GSE1: variants seen among roughly 807,000 people sequenced by gnomAD.
The protein encoded by GSE1 is Gse1 coiled-coil protein.
Under a neutral mutation model 112.6 loss-of-function variants are expected in GSE1, and 32 were observed. That is an observed-to-expected ratio of 0.28 (90% CI 0.21 to 0.38). GSE1 has a LOEUF of 0.38. Ranked by LOEUF, GSE1 falls within the 10% of genes least tolerant of loss-of-function variation. The pLI is 1.00. For missense variants in GSE1, 2,348 were observed against 1,699.2 expected, an observed-to-expected ratio of 1.38 and a Z score of -6.71; for synonymous variants, 1,115 against 735.6, an observed-to-expected ratio of 1.52 and a Z score of -8.35.
chr16:85,549,894 A>C (rs997832409), intron 2 of GSE1, among the ~76,000 whole-genome samples: 7 of 152,138 alleles, frequency 4.6e-5, no homozygotes, highest in Admixed American at 2.0e-4. Flanking sequence ...TCTCAAGGGG[A>C]GGGGATGCTG....
intron 1 of GSE1, among the ~76,000 whole-genome samples, chr16:85,574,539 A>G (rs1419191374): frequency 6.6e-6 from 1 of 152,218 alleles, no homozygotes; most frequent in Non-Finnish European, 1.5e-5. Context: ...TCAGAAAGCT[A>G]CAGGAAGTGA....
upstream of GSE1, among the ~76,000 whole-genome samples, chr16:85,554,682 A>G (rs2151253278): frequency 6.6e-6 from 1 of 152,254 alleles, no homozygotes; most frequent in Non-Finnish European, 1.5e-5. Context: ...GGGTTCCACA[A>G]AAGGCGGCCC....
At chr16:85,438,857 A>G (rs1422287717) in intron 2 of GSE1, among the ~76,000 whole-genome samples, 1 of 152,162 alleles carries the variant, frequency 6.6e-6, no homozygotes, top group African/African-American at 2.4e-5. Context: ...CTGTCTGTGC[A>G]GCTCCCGTAC....
At chr16:85,295,303 A>G (rs1207344322) in intron 1 of GSE1, among the ~76,000 whole-genome samples, 1 of 152,068 alleles carries the variant, frequency 6.6e-6, no homozygotes, top group Non-Finnish European at 1.5e-5. Context: ...GGCTTCTCTC[A>G]CTCGGGACCA....
intron 2 of GSE1, among the ~76,000 whole-genome samples, chr16:85,519,387 T>G (rs1209561375): frequency 3.3e-4 from 21 of 64,392 alleles, no homozygotes; most frequent in African/African-American, 1.3e-3. Context: ...CATCATCACC[T>G]TCACCACCAT....
chr16:85,520,966 C>G (rs905196322), intron 2 of GSE1, among the ~76,000 whole-genome samples: 1 of 152,192 alleles, frequency 6.6e-6, no homozygotes, highest in African/African-American at 2.4e-5. Context: ...GCTTGGCAGA[C>G]AGACCGGTCC....
At chr16:85,556,683 T>C (rs1233868172) in intron 1 of GSE1, among the ~76,000 whole-genome samples, 6 of 146,512 alleles carry the variant, frequency 4.1e-5, no homozygotes, top group Admixed American at 3.4e-4. Context: ...CACTTAAACC[T>C]TCCAAGGTGA....
chr16:85,328,515 G>T (rs955529622), intron 1 of GSE1, among the ~76,000 whole-genome samples: 1 of 152,240 alleles, frequency 6.6e-6, no homozygotes, highest in Admixed American at 6.5e-5. Context: ...GCCGACTGGC[G>T]GGCTATTCAA....
At chr16:85,256,026 C>T (rs1907040485) in intron 1 of GSE1, among the ~76,000 whole-genome samples, 1 of 152,218 alleles carries the variant, frequency 6.6e-6, no homozygotes, top group South Asian at 2.1e-4. Context: ...TCGGGCAAGT[C>T]CCTTAACCTC....
At chr16:85,358,132 G>T (rs72811730) in intron 2 of GSE1, among the ~76,000 whole-genome samples, 4 of 152,098 alleles carry the variant, frequency 2.6e-5, no homozygotes, top group South Asian at 2.1e-4. Context: ...GCCAGCCACA[G>T]GCGTGCTGTG....
chr16:85,450,117 C>CCTT lies in GSE1; in HGVS notation c.2464+92474_2464+92475insCTT, dbSNP rs778083097. On this transcript the variant is annotated intron_variant, in intron 2 of 2. Transcript: ENST00000637419. ...GGCCAGTTCTATTTTAGGCAGCTGACTTTTTTTTTTTTTTTTTTTTTGAGA... is the reference window on the plus strand; with the variant it reads ...GGCCAGTTCTATTTTAGGCAGCTGACCTTTTTTTTTTTTTTTTTTTTTTTGAGA... Among the ~76,000 whole-genome samples, 5 of 79,498 alleles carry CCTT rather than the reference C, an allele frequency of 6.3e-5. No individual in the cohort carries two copies. In the East Asian group the frequency reaches 1.5e-3, roughly 24 times the overall value. The allele number at this position is 79,498 out of a possible 152,430, so 52.2% of individuals were successfully genotyped here.
intron 1 of GSE1, among the ~76,000 whole-genome samples, chr16:85,266,381 C>A (rs1384374674): frequency 3.9e-5 from 6 of 152,228 alleles, no homozygotes; most frequent in Admixed American, 1.3e-4. Flanking sequence ...CAATGGCAAG[C>A]ATTCCAGAAG....
intron 1 of GSE1, among the ~76,000 whole-genome samples, chr16:85,296,133 G>A (rs955494883): frequency 2.6e-5 from 4 of 152,194 alleles, no homozygotes; most frequent in South Asian, 2.1e-4. Context: ...ATGTGGGAGC[G>A]GAGAGGAGGT....
intron 1 of GSE1, among the ~76,000 whole-genome samples, chr16:85,201,496 A>G (rs955003455): frequency 2.8e-4 from 42 of 151,964 alleles, no homozygotes; most frequent in Non-Finnish European, 5.3e-4. Flanking sequence ...CATCTGTACC[A>G]CAAAAATTAG....
chr16:85,668,011 G>T, intron 13 of GSE1, 129 bp from the exon 14 acceptor site: 2 of 702,562 alleles, frequency 2.8e-6, no homozygotes, highest in Non-Finnish European at 4.8e-6. Context: ...TCTACGCGAT[G>T]TCATCTTGGT....
rs1597698372 is a variant in GSE1, at chr16:85,419,801, A to G, written c.2464+62158A>G. On this transcript the variant is annotated intron_variant, in intron 2 of 2. Transcript: ENST00000637419. This position sits in a 1 kb window ranked among gnomAD's most constrained non-coding sequence, Gnocchi z 6.5. ...CCAAGACTCTGATGGAAATGGTCCGAGTAGGGCTTCTGCAGGGCCAGCCAG... is the reference window on the plus strand; with the variant it reads ...CCAAGACTCTGATGGAAATGGTCCGGGTAGGGCTTCTGCAGGGCCAGCCAG... Among the ~76,000 whole-genome samples the G allele has an allele frequency of 7.0e-6, 1 of 142,136 alleles. No individual in the cohort carries two copies. Among genetic ancestry groups the G allele is most frequent in the East Asian group, 2.4e-4 (1 of 4,248 alleles). 93.2% of individuals were successfully genotyped at this position (142,136 alleles called of 152,430 possible). A position where few individuals can be genotyped will look rare whatever the true frequency, so the allele number is the denominator to read the frequency against.
intron 1 of GSE1, among the ~76,000 whole-genome samples, chr16:85,601,806 C>G (rs1031225965): frequency 6.6e-6 from 1 of 152,166 alleles, no homozygotes; most frequent in African/African-American, 2.4e-5. Flanking sequence ...CCCCAGGGCC[C>G]GCCTATCCTG....
chr16:85,303,150 C>T (rs1410072840), intron 1 of GSE1, among the ~76,000 whole-genome samples: 1 of 152,246 alleles, frequency 6.6e-6, no homozygotes, highest in Admixed American at 6.5e-5. Flanking sequence ...TTGCCCAGCC[C>T]GGAGGCCTAG....
At chr16:85,178,429 A>G (rs2074512545) in intron 1 of GSE1, among the ~76,000 whole-genome samples, 1 of 152,034 alleles carries the variant, frequency 6.6e-6, no homozygotes, top group Non-Finnish European at 1.5e-5. Flanking sequence ...CCCTGGGTGC[A>G]CACTCGAATC....
Sources: gnomAD v4.1 joint callset for allele counts (sites outside exome capture counted in the v4.1 genomes callset) on GRCh38, gnomAD v4.1.1 for gene constraint, Gnocchi (gnomAD v3.1) non-coding constraint, MANE v1.5 for transcripts, NCBI Gene and HGNC (gene_info 2026-07-23, HGNC 2026-07-21) for gene names.